OTOG: variants seen among roughly 807,000 people sequenced by gnomAD.
The protein encoded by OTOG is otogelin.
In OTOG, 296 loss-of-function variants were observed where a neutral mutation model predicts 313.8. That is an observed-to-expected ratio of 0.94 (90% CI 0.86 to 1.04). OTOG has a LOEUF of 1.04. Ranked by LOEUF, OTOG falls within the 50% of genes least tolerant of loss-of-function variation. The pLI is 0.00. For synonymous variants in OTOG, 1,533 were observed against 1,554.9 expected (o/e 0.99, Z 0.33); for missense variants, 3,948 against 3,840.1 (o/e 1.03, Z -0.74).
At position 17,632,236 on chromosome 11, in the gene OTOG, C is replaced by A; in HGVS notation, c.7072+10C>A. 1 of 1,547,298 alleles carries A rather than the reference C, an allele frequency of 6.5e-7. No individual in the cohort carries two copies. Among genetic ancestry groups the A allele is most frequent in the Non-Finnish European group, 8.7e-7 (1 of 1,144,462 alleles). On this transcript the variant is annotated intron_variant, in intron 42 of 55. Transcript: ENST00000399397. The stretch of plus-strand genomic sequence containing the variant: ...CGCTCTGACTACTGCCGTGAGTTTG[C>A]GGGGCAGGGGGACCCTCCATTGTGA...
In OTOG at chr11:17,639,427, T is replaced by G; in HGVS notation, c.7899T>G (p.Cys2633Trp). ...CTGGCCCCTTGTGTTTTTCAGAATG[T>G]GACTGTGACACAATCCCGGTGCCCC... Reference protein sequence around the residue: ...DRCCPYKSCECDCDTIPVPRC... With the variant: ...DRCCPYKSCEWDCDTIPVPRC... Residue 2633 changes from cysteine to tryptophan, a missense_variant, in exon 49 of 56, where the codon TGT becomes TGG. Cys to Trp is a radical substitution (Grantham distance 215, BLOSUM62 -2). Coordinates refer to ENST00000399397, the MANE Select transcript of OTOG (RefSeq NM_001292063.2). 1 of 1,550,714 alleles carries G rather than the reference T, an allele frequency of 6.4e-7. No individual in the cohort carries two copies. Among genetic ancestry groups the G allele is most frequent in the Non-Finnish European group, 8.7e-7 (1 of 1,147,016 alleles).
At chr11:17,571,420 C>CGA (rs1565097798) in intron 17 of OTOG, among the ~76,000 whole-genome samples, 72 of 152,266 alleles carry the variant, frequency 4.7e-4, no homozygotes, top group African/African-American at 1.7e-3. Context: ...TGACCTCCCT[C>CGA]CGCTCAACAC....
At chr11:17,567,839 C>A (rs1340354151) in intron 15 of OTOG, among the ~76,000 whole-genome samples, 1 of 152,200 alleles carries the variant, frequency 6.6e-6, no homozygotes, top group Non-Finnish European at 1.5e-5. Flanking sequence ...ACTTATATGT[C>A]AACTTTTTGT....
chr11:17,599,710 T>TC lies in OTOG; in HGVS notation c.3709+17dup. 6.5e-7 allele frequency: 1 copy of TC among 1,550,284 alleles called. No homozygotes were observed. The highest frequency in any genetic ancestry group is 8.7e-7 in the Non-Finnish European group (1 of 1,146,812). On this transcript the variant is annotated intron_variant, in intron 31 of 55. Transcript: ENST00000399397. ...TTCTTTAACAAAGGTAAGCCCCTCC[T>TC]CCCCACGCAGAGTCTCAGGGGCTCA...
intron 47 of OTOG, among the ~76,000 whole-genome samples, chr11:17,636,225 T>C (rs1854263582): frequency 6.6e-6 from 1 of 152,208 alleles, no homozygotes; most frequent in Non-Finnish European, 1.5e-5. Context: ...TGTATATACA[T>C]GTAGACATGT....
In OTOG at chr11:17,605,383, G is replaced by A. The variant is rs531276489; in HGVS notation, c.3878-474G>A. On this transcript the variant is annotated intron_variant, in intron 32 of 55. Coordinates refer to ENST00000399397, the MANE Select transcript of OTOG (RefSeq NM_001292063.2). ...CTGGCCCTGTGGAATTCTGTGAGGA[G>A]CAGGACCAAGCTGGGGACCCTATAG... Among the ~76,000 whole-genome samples, 5 of 152,266 alleles carry A rather than the reference G, an allele frequency of 3.3e-5. No individual in the cohort carries two copies. In the South Asian group the frequency reaches 1.0e-3, roughly 32 times the overall value.
At chr11:17,547,865 G>T in intron 1 of OTOG, 62 bp from the exon 2 acceptor site, 1 of 446,486 alleles carries the variant, frequency 2.2e-6, no homozygotes, top group Non-Finnish European at 3.9e-6. Context: ...GTGGGGGCCA[G>T]GTGGTGGGAG....
chr11:17,571,758 C>CGT (rs149158412), intron 17 of OTOG, among the ~76,000 whole-genome samples: 88 of 150,168 alleles, frequency 5.9e-4, no homozygotes, highest in East Asian at 2.9e-3. Context: ...TGTGTGTCTG[C>CGT]GTGTGTGTGT....
At chr11:17,553,332 C>T (rs1851985722) in intron 5 of OTOG, 33 bp from the exon 6 acceptor site, 3 of 1,482,612 alleles carry the variant, frequency 2.0e-6, no homozygotes, top group African/African-American at 1.4e-5. Context: ...CCCACTGTAG[C>T]TACACAGAGA....
At chr11:17,564,761 T>C (rs1247037848) in intron 15 of OTOG, among the ~76,000 whole-genome samples, 2 of 152,224 alleles carry the variant, frequency 1.3e-5, no homozygotes, top group Admixed American at 1.3e-4. Flanking sequence ...ACATACCCCA[T>C]GTGGTAGTTA....
chr11:17,564,570 G>T (rs1244619643), intron 15 of OTOG, among the ~76,000 whole-genome samples: 1 of 152,222 alleles, frequency 6.6e-6, no homozygotes, highest in African/African-American at 2.4e-5. Context: ...TGTGTCTGGT[G>T]AAGCGGGGAG....
chr11:17,571,758 CGTGT>C (rs149158412), intron 17 of OTOG, among the ~76,000 whole-genome samples: 4 of 150,106 alleles, frequency 2.7e-5, no homozygotes, highest in African/African-American at 7.3e-5. Context: ...TGTGTGTCTG[CGTGT>C]GTGTGTGTGT....
intron 12 of OTOG, 88 bp downstream of exon 12, chr11:17,559,750 T>A (rs1315098225): frequency 2.2e-6 from 3 of 1,333,388 alleles, no homozygotes; most frequent in Non-Finnish European, 2.0e-6. Flanking sequence ...AGATACCTGT[T>A]TGTGGAAGGA....
chr11:17,605,727 G>T (rs1853366985), intron 32 of OTOG, 130 bp from the exon 33 acceptor site: 1 of 1,015,274 alleles, frequency 9.8e-7, no homozygotes, highest in Non-Finnish European at 1.4e-6. Flanking sequence ...GGTGTAGGGG[G>T]CAGGGCCTGC....
At chr11:17,592,788 T>G (rs1011352543) in intron 25 of OTOG, among the ~76,000 whole-genome samples, 6 of 152,178 alleles carry the variant, frequency 3.9e-5, no homozygotes, top group African/African-American at 1.4e-4. Flanking sequence ...TGTGGATGTA[T>G]CCCCAGGTTC....
At chr11:17,644,401 A>G (rs1848032799) in intron 54 of OTOG, among the ~76,000 whole-genome samples, 1 of 152,264 alleles carries the variant, frequency 6.6e-6, no homozygotes, top group Admixed American at 6.5e-5. Context: ...CTCAGAGACC[A>G]GAAGAAAAGA....
At chr11:17,603,358 G>C (rs1196523376) in intron 32 of OTOG, among the ~76,000 whole-genome samples, 1 of 152,176 alleles carries the variant, frequency 6.6e-6, no homozygotes, top group Non-Finnish European at 1.5e-5. Flanking sequence ...CCACCTTCCA[G>C]ATGTGGCAGG....
chr11:17,563,228 T>C (rs1360286773), intron 15 of OTOG, among the ~76,000 whole-genome samples: 1 of 152,234 alleles, frequency 6.6e-6, no homozygotes, highest in Non-Finnish European at 1.5e-5. Context: ...CAGCCAACCC[T>C]GGAAGCCCCA....
intron 34 of OTOG, 101 bp from the exon 35 acceptor site, chr11:17,609,029 A>G (rs1853459147): frequency 2.2e-6 from 2 of 899,668 alleles, no homozygotes; most frequent in African/African-American, 3.3e-5. Context: ...GTGCACGCAC[A>G]TGTGTCATAA....
Sources: gnomAD v4.1 joint callset for allele counts (sites outside exome capture counted in the v4.1 genomes callset) on GRCh38, gnomAD v4.1.1 for gene constraint, MANE v1.5 for transcripts, NCBI Gene and HGNC (gene_info 2026-07-23, HGNC 2026-07-21) for gene names.